Variants in SPTBN1 observed in about 807,000 individuals in gnomAD.
SPTBN1 encodes spectrin beta, non-erythrocytic 1.
SPTBN1 carries 32 observed loss-of-function variants against 266.4 expected under a neutral mutation model. The ratio of observed to expected loss-of-function variants is 0.12; its 90% CI spans 0.09 to 0.16. The LOEUF (loss-of-function observed/expected upper bound fraction) is 0.16, where lower values mean the gene tolerates loss of function less well. Among genes scored for constraint, SPTBN1 ranks in the 10% least tolerant of loss-of-function variants. SPTBN1 has a pLI of 1.00. For synonymous variants in SPTBN1, 1,336 were observed against 1,162.2 expected (o/e 1.15, Z -3.04); for missense variants, 2,296 against 3,067.1 (o/e 0.75, Z 5.94).
chr2:54,567,600 A>G (rs1262278986), intron 2 of SPTBN1, among the ~76,000 whole-genome samples: 1 of 152,164 alleles, frequency 6.6e-6, no homozygotes, highest in Non-Finnish European at 1.5e-5. Flanking sequence ...ACGGATTGCA[A>G]GTGCAATTTG....
Position 54,664,256 on chromosome 2 carries a change from T to C in SPTBN1, c.6421-197T>C, listed in dbSNP as rs1681231147. 1 of 587,352 alleles carries C rather than the reference T, an allele frequency of 1.7e-6. No homozygotes were observed. Among genetic ancestry groups the C allele is most frequent in the Non-Finnish European group, 3.0e-6 (1 of 331,842 alleles). 36.4% of individuals were successfully genotyped at this position (587,352 alleles called of 1,614,324 possible). A position where few individuals can be genotyped will look rare whatever the true frequency, so the allele number is the denominator to read the frequency against. The stretch of plus-strand genomic sequence containing the variant: ...TTCGCTTTTCTCATTTCCCTGTAAA[T>C]GGGCGGGTATTAATCCATTCCCACC... On this transcript the variant is annotated intron_variant, in intron 32 of 35. Coordinates refer to ENST00000356805, the MANE Select transcript of SPTBN1 (RefSeq NM_003128.3). The surrounding 1 kb of genome is among the most constrained non-coding windows in gnomAD (Gnocchi z 5.6).
At chr2:54,483,028 T>A (rs950523445) in intron 1 of SPTBN1, among the ~76,000 whole-genome samples, 4 of 152,186 alleles carry the variant, frequency 2.6e-5, no homozygotes, top group Non-Finnish European at 5.9e-5. Flanking sequence ...CAGGCAAATG[T>A]GACCCTGAGG....
chr2:54,555,317 C>T (rs1672803774), intron 2 of SPTBN1, among the ~76,000 whole-genome samples: 1 of 152,166 alleles, frequency 6.6e-6, no homozygotes, highest in African/African-American at 2.4e-5. Context: ...AGACATGTCA[C>T]CCAGTGGTAT....
At chr2:54,467,197 T>C (rs2103832549) in intron 1 of SPTBN1, among the ~76,000 whole-genome samples, 1 of 152,192 alleles carries the variant, frequency 6.6e-6, no homozygotes, top group Non-Finnish European at 1.5e-5. Context: ...TGGAATGTTC[T>C]TCACCAGCTG....
intron 1 of SPTBN1, among the ~76,000 whole-genome samples, chr2:54,492,855 C>G (rs955984269): frequency 3.3e-5 from 5 of 152,084 alleles, no homozygotes; most frequent in African/African-American, 1.2e-4. Flanking sequence ...CTCTGTTTAG[C>G]TCTGTTATGC....
rs367835000 is a variant in SPTBN1, at chr2:54,659,822, T to G, written c.6357-114T>G. 27 of 1,461,814 alleles carry G rather than the reference T, an allele frequency of 1.8e-5. 1 individual carries two copies. The highest frequency in any genetic ancestry group is 1.5e-4 in the East Asian group (6 of 40,294). 90.6% of individuals were successfully genotyped at this position (1,461,814 alleles called of 1,614,324 possible). A position where few individuals can be genotyped will look rare whatever the true frequency, so the allele number is the denominator to read the frequency against. ...CAGATTTAAAAAGAATTAAATTATGTGAAAAGGTTGCACGTAATAAAATTG... is the reference window on the plus strand; with the variant it reads ...CAGATTTAAAAAGAATTAAATTATGGGAAAAGGTTGCACGTAATAAAATTG... On this transcript the variant is annotated intron_variant, in intron 31 of 35. Coordinates refer to ENST00000356805, the MANE Select transcript of SPTBN1 (RefSeq NM_003128.3).
At chr2:54,661,073 G>T in intron 32 of SPTBN1, 1 of 985,396 alleles carries the variant, frequency 1.0e-6, no homozygotes, top group Non-Finnish European at 1.2e-6. Context: ...AGTCATGTCA[G>T]TGTCTCTGTA....
At chr2:54,663,895 T>C (rs1438973249) in intron 32 of SPTBN1, 2 of 152,224 alleles carry the variant, frequency 1.3e-5, no homozygotes, top group Non-Finnish European at 2.9e-5. Flanking sequence ...AATTTCTGCA[T>C]GTGTTTATGA....
At chr2:54,527,216 C>G (rs116781273) in intron 2 of SPTBN1, 2,284 of 152,328 alleles carry the variant, frequency 0.015, 22 homozygotes, top group Non-Finnish European at 0.02. Context: ...GCTCTGAAAA[C>G]TCAGCTGTAC....
intron 33 of SPTBN1, among the ~76,000 whole-genome samples, chr2:54,665,369 C>G (rs7583633): frequency 0.091 from 13,874 of 152,174 alleles, 823 homozygotes; most frequent in African/African-American, 0.15. Context: ...GGCCGGTGTT[C>G]TGTTAAAATT....
At chr2:54,524,805 A>G (rs557165277) in intron 1 of SPTBN1, among the ~76,000 whole-genome samples, 7 of 152,204 alleles carry the variant, frequency 4.6e-5, no homozygotes, top group South Asian at 2.1e-4. Flanking sequence ...CCTGCATGCT[A>G]TGCTGCTTCC....
In SPTBN1 at chr2:54,486,310, C is replaced by T. The variant is rs576908617; in HGVS notation, c.-48+29792C>T. On this transcript the variant is annotated intron_variant, in intron 1 of 35. Coordinates refer to ENST00000356805, the MANE Select transcript of SPTBN1 (RefSeq NM_003128.3). Reference sequence around the variant, plus strand: ...AAAGGTGGGGAAAAGACTGAGAAATCGGATGGTTGCCGTGTCTGTGTAGAA... The same window carrying T: ...AAAGGTGGGGAAAAGACTGAGAAATTGGATGGTTGCCGTGTCTGTGTAGAA... Among the ~76,000 whole-genome samples the T allele has an allele frequency of 5.9e-3, 898 of 152,092 alleles. 13 individuals carry two copies. The highest frequency in any genetic ancestry group is 0.02 in the African/African-American group (848 of 41,452).
At chr2:54,571,352 G>C (rs1319428205) in intron 2 of SPTBN1, among the ~76,000 whole-genome samples, 1 of 152,046 alleles carries the variant, frequency 6.6e-6, no homozygotes, top group Non-Finnish European at 1.5e-5. Flanking sequence ...ATAGCCCTTG[G>C]GGTGATTGTA....
chr2:54,596,425 T>C (rs1288205453), intron 2 of SPTBN1, among the ~76,000 whole-genome samples: 2 of 152,216 alleles, frequency 1.3e-5, no homozygotes, highest in African/African-American at 4.8e-5. Context: ...GAGGACACGC[T>C]AGTTGACTGG....
At chr2:54,510,387 A>C (rs945875690) in intron 1 of SPTBN1, among the ~76,000 whole-genome samples, 1 of 152,194 alleles carries the variant, frequency 6.6e-6, no homozygotes, top group African/African-American at 2.4e-5. Flanking sequence ...ACAACATGTG[A>C]ATTTGGAAGG....
At chr2:54,483,438 G>A (rs1449782305) in intron 1 of SPTBN1, among the ~76,000 whole-genome samples, 1 of 152,192 alleles carries the variant, frequency 6.6e-6, no homozygotes, top group Non-Finnish European at 1.5e-5. Flanking sequence ...TTTTCTACCC[G>A]TTGCTTCCCT....
At position 54,558,682 on chromosome 2, in the gene SPTBN1, C is replaced by G. The variant is rs776159490; in HGVS notation, c.148+32116C>G. 5.2e-6 allele frequency: 8 copies of G among 1,535,470 alleles called. No individual in the cohort carries two copies. The highest frequency in any genetic ancestry group is 7.0e-6 in the Non-Finnish European group (8 of 1,137,664). ...CCGGAATGGGGCTCGCCTAAGGAGC[C>G]GAGCGCTGCGGAGGCTGCTGCGTGT... On this transcript the variant is annotated intron_variant, in intron 2 of 35. Transcript: ENST00000356805. The surrounding 1 kb of genome is among the most constrained non-coding windows in gnomAD (Gnocchi z 4.6).
intron 1 of SPTBN1, among the ~76,000 whole-genome samples, chr2:54,515,147 G>C (rs375308624): frequency 2.6e-5 from 4 of 152,008 alleles, no homozygotes; most frequent in Non-Finnish European, 5.9e-5. Flanking sequence ...ATCTGGTCTT[G>C]TGGCCCCCAC....
rs1324642784 is a variant in SPTBN1 at position 54,622,432 on chromosome 2, G to C, written c.1009G>C (p.Val337Leu). The change falls in exon 9 of 36, where the codon GTT (valine) becomes CTT (leucine). Residue 337 changes from valine (V) to leucine (L), a missense_variant. Around this residue, in one of 12 missense-constraint regions of SPTBN1, gnomAD observed 148 missense variants for 203.8 expected, o/e 0.73. Coordinates refer to ENST00000356805, the MANE Select transcript of SPTBN1 (RefSeq NM_003128.3). Reference protein sequence around the residue: ...NRKFANSLVGVQQQLQAFNTY... With the variant: ...NRKFANSLVGLQQQLQAFNTY... ...CAAATTTGCCAATTCACTGGTCGGGGTTCAACAGCAGCTTCAGGCATTCAA... is the reference window on the plus strand; with the variant it reads ...CAAATTTGCCAATTCACTGGTCGGGCTTCAACAGCAGCTTCAGGCATTCAA... 2 of 1,614,190 alleles carry C rather than the reference G, an allele frequency of 1.2e-6. No homozygotes were observed. The highest frequency in any genetic ancestry group is 1.1e-5 in the South Asian group (1 of 91,088).
Sources: gnomAD v4.1 joint callset for allele counts (sites outside exome capture counted in the v4.1 genomes callset) on GRCh38, gnomAD v4.1.1 for gene constraint, gnomAD v4.1.1 regional missense constraint, Gnocchi (gnomAD v3.1) non-coding constraint, MANE v1.5 for transcripts, NCBI Gene and HGNC (gene_info 2026-07-23, HGNC 2026-07-21) for gene names.